Variants in ZNF384 observed in about 807,000 individuals in gnomAD.
ZNF384 encodes the protein CAG repeat protein 1.
Under a neutral mutation model 65.0 loss-of-function variants are expected in ZNF384, and 20 were observed. The observed-to-expected ratio is 0.31, with a 90% CI of 0.22 to 0.45. ZNF384 has a LOEUF of 0.45. Among genes scored for constraint, ZNF384 ranks in the 20% least tolerant of loss-of-function variants. The probability of loss-of-function intolerance (pLI) is 1.00; values close to 1 mark genes in which losing one functional copy is unlikely to be tolerated. For synonymous variants in ZNF384, 310 were observed against 303.9 expected (o/e 1.02, Z -0.21); for missense variants, 549 against 769.4 (o/e 0.71, Z 3.39).
At position 6,666,874 on chromosome 12, in the gene ZNF384, T is replaced by G. The variant is rs755344382; in HGVS notation, c.*840A>C. 5.4e-6 allele frequency: 1 copy of G among 186,798 alleles called. No homozygotes were observed. Among genetic ancestry groups the G allele is most frequent in the African/African-American group, 2.3e-5 (1 of 42,628 alleles). The allele number at this position is 186,798 out of a possible 1,614,324, so 11.6% of individuals were successfully genotyped here. A position where few individuals can be genotyped will look rare whatever the true frequency, so the allele number is the denominator to read the frequency against. ...CATCTGACTGTGGCACCTAGGGAGCTAAGTCCAGTCCTTGCGTTTGCCTTG... is the reference window on the plus strand; with the variant it reads ...CATCTGACTGTGGCACCTAGGGAGCGAAGTCCAGTCCTTGCGTTTGCCTTG... On this transcript the variant is annotated 3_prime_UTR_variant, in exon 12 of 12. Coordinates refer to ENST00000683879, the MANE Select transcript of ZNF384 (RefSeq NM_001385745.1).
At chr12:6,677,123 T>C in intron 7 of ZNF384, 44 bp downstream of exon 7, 1 of 512,492 alleles carries the variant, frequency 2.0e-6, no homozygotes, top group Non-Finnish European at 3.5e-6. Flanking sequence ...ATCCCCATTT[T>C]ACAGATGAGG....
chr12:6,674,118 T>C (rs937861045), intron 7 of ZNF384, among the ~76,000 whole-genome samples: 4 of 152,342 alleles, frequency 2.6e-5, no homozygotes, highest in African/African-American at 7.2e-5. Flanking sequence ...ATGACCAACG[T>C]AGCTGCTAGG....
Position 6,678,726 on chromosome 12 carries a change from G to GA in ZNF384, c.305-17dup. 6.2e-7 allele frequency: 1 copy of GA among 1,613,820 alleles called. No individual in the cohort carries two copies. The highest frequency in any genetic ancestry group is 8.5e-7 in the Non-Finnish European group (1 of 1,179,848). On this transcript the variant is annotated splice_polypyrimidine_tract_variant and intron_variant, in intron 4 of 11. Coordinates refer to ENST00000683879, the MANE Select transcript of ZNF384 (RefSeq NM_001385745.1). This position sits in a 1 kb window ranked among gnomAD's most constrained non-coding sequence, Gnocchi z 4.9. ...CAGGAGACTCCTTGATTCAGAGAAG[G>GA]AAAGAATGTCACCTCCTCAAAGGCA...
rs1183021857 is a variant in ZNF384 at position 6,677,189 on chromosome 12, T to A, written c.757A>T (p.Thr253Ser). Reference protein sequence around the residue: ...GLMDSVPGSTTNLLCDPGCRM... With the variant: ...GLMDSVPGSTSNLLCDPGCRM... Reference sequence around the variant, plus strand: ...TGCCCAGGGTCACACAGCAAATTCGTGGTGGAGCCGGGAACTGAATCCATG... The same window carrying A: ...TGCCCAGGGTCACACAGCAAATTCGAGGTGGAGCCGGGAACTGAATCCATG... The change falls in exon 7 of 12, where the codon ACG becomes TCG. Residue 253 changes from threonine (T) to serine (S), a missense_variant. Physicochemically the swap from Thr to Ser is moderately conservative, Grantham distance 58. Around this residue, in one of 5 missense-constraint regions of ZNF384, gnomAD observed 277 missense variants for 337.2 expected, o/e 0.82. Coordinates refer to ENST00000683879, the MANE Select transcript of ZNF384 (RefSeq NM_001385745.1). 2 of 1,195,492 alleles carry A rather than the reference T, an allele frequency of 1.7e-6. No homozygotes were observed. The highest frequency in any genetic ancestry group is 4.6e-5 in the Admixed American group (2 of 43,648). The allele number at this position is 1,195,492 out of a possible 1,614,324, so 74.1% of individuals were successfully genotyped here.
rs1482490272 is a variant in ZNF384 at position 6,672,165 on chromosome 12, G to C, written c.1187+185C>G. ...TCCCCGACGTAGCTCTTGCCCCAGA[G>C]AAGCTCTGTGTCCACTTGAATCTCC... On this transcript the variant is annotated intron_variant, in intron 9 of 11. Coordinates refer to ENST00000683879, the MANE Select transcript of ZNF384 (RefSeq NM_001385745.1). The surrounding 1 kb of genome is among the most constrained non-coding windows in gnomAD (Gnocchi z 4.4). 2 of 617,708 alleles carry C rather than the reference G, an allele frequency of 3.2e-6. No homozygotes were observed. The highest frequency in any genetic ancestry group is 3.7e-5 in the African/African-American group (2 of 54,142). The allele number at this position is 617,708 out of a possible 1,614,324, so 38.3% of individuals were successfully genotyped here. A position where few individuals can be genotyped will look rare whatever the true frequency, so the allele number is the denominator to read the frequency against.
chr12:6,686,178 A>G (rs1381018751), intron 2 of ZNF384, among the ~76,000 whole-genome samples: 2 of 152,182 alleles, frequency 1.3e-5, no homozygotes, highest in Non-Finnish European at 2.9e-5. Context: ...TTCCCTTAAC[A>G]CAACCAACCC....
intron 7 of ZNF384, among the ~76,000 whole-genome samples, chr12:6,675,436 AC>A (rs1218313581): frequency 3.3e-5 from 5 of 152,232 alleles, no homozygotes; most frequent in Non-Finnish European, 5.9e-5. Context: ...GATTCTTAAC[AC>A]CAGAGGTATT....
chr12:6,680,228 G>C (rs565004150), intron 2 of ZNF384, among the ~76,000 whole-genome samples: 1 of 152,308 alleles, frequency 6.6e-6, no homozygotes, highest in South Asian at 2.1e-4. Flanking sequence ...GTCTCCCAAA[G>C]TGCTGGGATT....
intron 7 of ZNF384, among the ~76,000 whole-genome samples, chr12:6,674,091 T>C (rs1035029277): frequency 6.6e-6 from 1 of 152,146 alleles, no homozygotes; most frequent in African/African-American, 2.4e-5. Context: ...GACAATCAAG[T>C]GAAAACCACT....
chr12:6,669,928 G>GCA lies in ZNF384; in HGVS notation c.1267-741_1267-740dup, dbSNP rs1357528550. 5.3e-5 allele frequency among the ~76,000 whole-genome samples: 8 copies of GCA among 150,122 alleles called. No individual in the cohort carries two copies. The East Asian group carries it at 1.4e-3, about 26-fold the overall frequency. On this transcript the variant is annotated intron_variant, in intron 10 of 11. Coordinates refer to ENST00000683879, the MANE Select transcript of ZNF384 (RefSeq NM_001385745.1). ...CCCAGCGAGCCTCTGTCTCAAACAC[G>GCA]CACACGCGCGCGCGCACACACACAC...
Position 6,673,592 on chromosome 12 carries a change from G to A in ZNF384, c.780-152C>T. On this transcript the variant is annotated intron_variant, in intron 7 of 11. Coordinates refer to ENST00000683879, the MANE Select transcript of ZNF384 (RefSeq NM_001385745.1). The surrounding 1 kb of genome is among the most constrained non-coding windows in gnomAD (Gnocchi z 4.7). Reference sequence around the variant, plus strand: ...CTATATATTCATCTTTATGGCCTAAGCTTCTAACATGGTGCCCAGCACATT... The same window carrying A: ...CTATATATTCATCTTTATGGCCTAAACTTCTAACATGGTGCCCAGCACATT... 1 of 633,214 alleles carries A rather than the reference G, an allele frequency of 1.6e-6. No homozygotes were observed. The highest frequency in any genetic ancestry group is 2.8e-6 in the Non-Finnish European group (1 of 363,564). The allele number at this position is 633,214 out of a possible 1,614,324, so 39.2% of individuals were successfully genotyped here.
At chr12:6,675,255 C>G (rs923699596) in intron 7 of ZNF384, among the ~76,000 whole-genome samples, 1 of 152,158 alleles carries the variant, frequency 6.6e-6, no homozygotes, top group Admixed American at 6.5e-5. Context: ...TGTTGTTATG[C>G]CTGACAGTGC....
At chr12:6,688,501 C>T (rs1958780013) in intron 1 of ZNF384, 1 of 152,310 alleles carries the variant, frequency 6.6e-6, no homozygotes, top group Middle Eastern at 3.1e-3. Context: ...CTTGTTCGTT[C>T]CCAGGCCACA....
At chr12:6,675,111 C>T (rs1004727868) in intron 7 of ZNF384, among the ~76,000 whole-genome samples, 3 of 152,144 alleles carry the variant, frequency 2.0e-5, no homozygotes, top group African/African-American at 7.2e-5. Flanking sequence ...AATAATAACC[C>T]ACTTAGTCAA....
intron 2 of ZNF384, among the ~76,000 whole-genome samples, chr12:6,682,158 AAAAG>A (rs969667376): frequency 6.6e-5 from 10 of 151,858 alleles, no homozygotes; most frequent in East Asian, 1.9e-4. Flanking sequence ...AAAAAAAAGA[AAAAG>A]AAAAAAAAAG....
chr12:6,685,606 C>A (rs531630963), intron 2 of ZNF384, among the ~76,000 whole-genome samples: 9 of 151,990 alleles, frequency 5.9e-5, no homozygotes, highest in Non-Finnish European at 1.2e-4. Context: ...AATCCCATCT[C>A]TACTAAAATA....
At chr12:6,680,852 G>A (rs1955655878) in intron 2 of ZNF384, among the ~76,000 whole-genome samples, 1 of 152,072 alleles carries the variant, frequency 6.6e-6, no homozygotes, top group Non-Finnish European at 1.5e-5. Flanking sequence ...TTTCCAAAGG[G>A]ATGCAGAATA....
chr12:6,677,976 T>C lies in ZNF384; in HGVS notation c.686+151A>G, dbSNP rs1424189152. Reference sequence around the variant, plus strand: ...ACGATGCTAGCAGCTCTGCCTCCTATCCTATGATGGGACACCTGACATGCA... The same window carrying C: ...ACGATGCTAGCAGCTCTGCCTCCTACCCTATGATGGGACACCTGACATGCA... On this transcript the variant is annotated intron_variant, in intron 6 of 11. Coordinates refer to ENST00000683879, the MANE Select transcript of ZNF384 (RefSeq NM_001385745.1). 4 of 712,264 alleles carry C rather than the reference T, an allele frequency of 5.6e-6. No homozygotes were observed. The East Asian group carries it at 1.0e-4, about 18-fold the overall frequency. The allele number at this position is 712,264 out of a possible 1,614,324, so 44.1% of individuals were successfully genotyped here.
intron 2 of ZNF384, among the ~76,000 whole-genome samples, chr12:6,685,056 C>T (rs1229680216): frequency 6.6e-6 from 1 of 152,062 alleles, no homozygotes; most frequent in Non-Finnish European, 1.5e-5. Flanking sequence ...AATGATTATG[C>T]CTATATATTT....
Sources: allele counts gnomAD v4.1 joint callset (sites outside exome capture counted in the v4.1 genomes callset), GRCh38; gene constraint gnomAD v4.1.1; regional missense constraint gnomAD v4.1.1; non-coding constraint Gnocchi (gnomAD v3.1); transcripts MANE v1.5; gene names NCBI Gene and HGNC (gene_info 2026-07-23, HGNC 2026-07-21).